FAT3: variants seen among roughly 807,000 people sequenced by gnomAD.
FAT3 encodes the protein protocadherin Fat 3.
In FAT3, 95 loss-of-function variants were observed where a neutral mutation model predicts 310.2. The ratio of observed to expected loss-of-function variants is 0.31; its 90% confidence interval spans 0.26 to 0.36. The LOEUF is 0.36. Among genes scored for constraint, FAT3 ranks in the 10% least tolerant of loss-of-function variants. The pLI is 1.00. For synonymous variants in FAT3, 2,314 were observed against 2,192.9 expected (o/e 1.06, Z -1.54); for missense variants, 5,408 against 5,715.6 (o/e 0.95, Z 1.74).
At chr11:92,265,498 C>T (rs1945916135) in intron 1 of FAT3, among the ~76,000 whole-genome samples, 1 of 151,896 alleles carries the variant, frequency 6.6e-6, no homozygotes, top group Admixed American at 6.6e-5. Context: ...TAAGCCTTCT[C>T]TTAGAGGGCA....
chr11:92,284,480 T>G (rs956806086), intron 1 of FAT3, among the ~76,000 whole-genome samples: 1 of 151,988 alleles, frequency 6.6e-6, no homozygotes, highest in African/African-American at 2.4e-5. Flanking sequence ...AAAGAAAAGA[T>G]AAAGGGGTCA....
intron 6 of FAT3, among the ~76,000 whole-genome samples, chr11:92,771,921 A>C (rs569330901): frequency 6.6e-6 from 1 of 152,284 alleles, no homozygotes; most frequent in African/African-American, 2.4e-5. Context: ...AATGTGAGTC[A>C]AATTCAGTGA....
At chr11:92,366,524 G>T (rs569643443) in intron 2 of FAT3, 2 of 481,486 alleles carry the variant, frequency 4.2e-6, no homozygotes, top group Admixed American at 2.1e-5. Context: ...CTCGGCAGCC[G>T]CAGCTTCCAT....
chr11:92,368,775 T>A (rs2134704688), intron 2 of FAT3, among the ~76,000 whole-genome samples: 1 of 150,984 alleles, frequency 6.6e-6, no homozygotes, highest in Non-Finnish European at 1.5e-5. Context: ...ATAGTGGGAG[T>A]GGTTTTGGAA....
chr11:92,572,531 A>G (rs1411341399), intron 3 of FAT3, among the ~76,000 whole-genome samples: 2 of 152,190 alleles, frequency 1.3e-5, no homozygotes, highest in East Asian at 3.9e-4. Context: ...AAAACTGTCA[A>G]TATTGCAACC....
intron 21 of FAT3, 100 bp downstream of exon 21, chr11:92,859,422 AG>A (rs1423529719): frequency 8.1e-7 from 1 of 1,228,840 alleles, no homozygotes; most frequent in African/African-American, 1.5e-5. Context: ...TTTTAAGTTC[AG>A]AAGACCAGAA....
intron 4 of FAT3, among the ~76,000 whole-genome samples, chr11:92,704,144 A>G (rs1400023536): frequency 1.3e-5 from 2 of 152,220 alleles, no homozygotes; most frequent in Admixed American, 6.5e-5. Flanking sequence ...CCAGGTGTCA[A>G]GTTAACCCAG....
chr11:92,226,291 CCT>C (rs1176464413), intron 1 of FAT3, among the ~76,000 whole-genome samples: 5 of 152,322 alleles, frequency 3.3e-5, no homozygotes, highest in Admixed American at 3.3e-4. Context: ...TCCCTCCTCT[CCT>C]CTCTCGTTGA....
intron 2 of FAT3, among the ~76,000 whole-genome samples, chr11:92,503,997 C>G (rs958521492): frequency 6.6e-6 from 1 of 152,134 alleles, no homozygotes; most frequent in Admixed American, 6.6e-5. Flanking sequence ...TAAATTACTG[C>G]TGTCATCTGA....
intron 9 of FAT3, among the ~76,000 whole-genome samples, chr11:92,793,393 G>T (rs1397061257): frequency 6.6e-6 from 1 of 152,118 alleles, no homozygotes; most frequent in East Asian, 1.9e-4. Flanking sequence ...TGAATAGGTG[G>T]TCTGTGGGCT....
intron 1 of FAT3, among the ~76,000 whole-genome samples, chr11:92,338,152 G>A (rs1478655959): frequency 6.6e-6 from 1 of 152,180 alleles, no homozygotes; most frequent in Non-Finnish European, 1.5e-5. Context: ...CTGTACAGCT[G>A]CCCTAAACAT....
At chr11:92,469,089 T>C (rs1951844268) in intron 2 of FAT3, among the ~76,000 whole-genome samples, 1 of 152,168 alleles carries the variant, frequency 6.6e-6, no homozygotes, top group South Asian at 2.1e-4. Flanking sequence ...GGGTCATAAC[T>C]TAACGAACCA....
At chr11:92,459,548 T>A (rs529832035) in intron 2 of FAT3, among the ~76,000 whole-genome samples, 6 of 152,340 alleles carry the variant, frequency 3.9e-5, no homozygotes, top group African/African-American at 1.4e-4. Flanking sequence ...ACTCCTCTGG[T>A]TCTTCACAAC....
At chr11:92,795,329 G>A (rs1035559755) in intron 9 of FAT3, among the ~76,000 whole-genome samples, 1 of 151,966 alleles carries the variant, frequency 6.6e-6, no homozygotes, top group Admixed American at 6.6e-5. Flanking sequence ...CTTCTTTGTA[G>A]CAGATGCTGT....
intron 3 of FAT3, among the ~76,000 whole-genome samples, chr11:92,644,486 GC>G (rs138617695): frequency 0.035 from 5,300 of 151,524 alleles, 321 homozygotes; most frequent in African/African-American, 0.12. Flanking sequence ...ATACCACCCC[GC>G]CCCCCCGATA....
In FAT3 at chr11:92,832,038, T is replaced by C. The variant is rs770132302; in HGVS notation, c.9871+27T>C. 7 of 1,508,354 alleles carry C rather than the reference T, an allele frequency of 4.6e-6. No individual in the cohort carries two copies. In the South Asian group the frequency reaches 6.4e-5, roughly 14 times the overall value. 93.4% of individuals were successfully genotyped at this position (1,508,354 alleles called of 1,614,324 possible). On this transcript the variant is annotated intron_variant, in intron 14 of 27. Transcript: ENST00000525166. ...TGGGTAAATAGCACTGTACTTAGAATACAGAGCTTCAGCTTGGCACGGTGG... is the reference window on the plus strand; with the variant it reads ...TGGGTAAATAGCACTGTACTTAGAACACAGAGCTTCAGCTTGGCACGGTGG...
intron 1 of FAT3, among the ~76,000 whole-genome samples, chr11:92,322,463 T>C (rs1947649100): frequency 6.6e-6 from 1 of 152,164 alleles, no homozygotes; most frequent in Non-Finnish European, 1.5e-5. Flanking sequence ...TTTCCTAAAA[T>C]AGGACAACAA....
At chr11:92,350,941 C>A (rs1039696105) in intron 1 of FAT3, among the ~76,000 whole-genome samples, 8 of 152,104 alleles carry the variant, frequency 5.3e-5, no homozygotes, top group African/African-American at 1.9e-4. Context: ...AAAATCTGAT[C>A]CTTTGGGTAT....
At chr11:92,662,310 T>G (rs1209602118) in intron 3 of FAT3, among the ~76,000 whole-genome samples, 1 of 152,192 alleles carries the variant, frequency 6.6e-6, no homozygotes, top group African/African-American at 2.4e-5. Context: ...GGGAGCATTT[T>G]CCTACTTGTT....
Sources: allele counts gnomAD v4.1 joint callset (sites outside exome capture counted in the v4.1 genomes callset), GRCh38; gene constraint gnomAD v4.1.1; transcripts MANE v1.5; gene names NCBI Gene and HGNC (gene_info 2026-07-23, HGNC 2026-07-21).